CREBBP: variants seen among roughly 807,000 people sequenced by gnomAD.
The protein encoded by CREBBP is CREB-binding protein.
CREBBP carries 19 observed loss-of-function variants against 265.0 expected under a neutral mutation model. That is an observed-to-expected ratio of 0.07 (90% confidence interval 0.05 to 0.11). The LOEUF (loss-of-function observed/expected upper bound fraction) is 0.11, where lower values mean the gene tolerates loss of function less well. CREBBP is among the 10% of genes least tolerant of loss of function. The pLI, the probability that CREBBP is intolerant of heterozygous loss-of-function variation, is 1.00. For missense variants in CREBBP, 2,525 were observed against 3,219.0 expected (o/e 0.78, Z 5.22); for synonymous variants, 1,457 against 1,223.7 (o/e 1.19, Z -3.98).
chr16:3,802,114 A>ATTTTTTTTTTTTTT lies in CREBBP; in HGVS notation c.975+8475_975+8488dup, dbSNP rs71133657. 2.4e-4 allele frequency among the ~76,000 whole-genome samples: 12 copies of ATTTTTTTTTTTTTT among 50,582 alleles called. 1 individual carries two copies. Among genetic ancestry groups the ATTTTTTTTTTTTTT allele is most frequent in the African/African-American group, 7.4e-4 (8 of 10,782 alleles). The allele number at this position is 50,582 out of a possible 152,430, so 33.2% of individuals were successfully genotyped here. Reference sequence around the variant, plus strand: ...TTTATATTTACTCTGGTATTCCTTAATTTTTTTTTTTTTTTTTTTTTTTTT... The same window carrying ATTTTTTTTTTTTTT: ...TTTATATTTACTCTGGTATTCCTTAATTTTTTTTTTTTTTTTTTTTTTTTTTTTTTTTTTTTTTT... On this transcript the variant is annotated intron_variant, in intron 3 of 30. Coordinates refer to ENST00000262367, the MANE Select transcript of CREBBP (RefSeq NM_004380.3).
intron 10 of CREBBP, 85 bp from the exon 11 acceptor site, chr16:3,777,742 A>G: frequency 6.6e-7 from 1 of 1,509,312 alleles, no homozygotes. Context: ...ATTTCTTATT[A>G]GGACTTCAAA....
chr16:3,761,761 C>T (rs548517349), intron 16 of CREBBP, among the ~76,000 whole-genome samples: 1 of 152,354 alleles, frequency 6.6e-6, no homozygotes, highest in Non-Finnish European at 1.5e-5. Context: ...CAGTGGGAAG[C>T]GTCGGAAACA....
At chr16:3,873,529 C>A (rs553174565) in intron 1 of CREBBP, among the ~76,000 whole-genome samples, 1 of 152,220 alleles carries the variant, frequency 6.6e-6, no homozygotes, top group Non-Finnish European at 1.5e-5. Flanking sequence ...CAGACTAGCA[C>A]TCCCAGTAAG....
chr16:3,767,488 G>T, intron 16 of CREBBP: 1 of 604,660 alleles, frequency 1.7e-6, no homozygotes, highest in Non-Finnish European at 2.9e-6. Context: ...CAGCCTGGGT[G>T]CCCTCGGAGC....
intron 20 of CREBBP, among the ~76,000 whole-genome samples, chr16:3,749,992 C>CTAGGCTT (rs1461313463): frequency 6.6e-6 from 1 of 152,068 alleles, no homozygotes; most frequent in African/African-American, 2.4e-5. Context: ...CCTTAACCTC[C>CTAGGCTT]TAGGCTCAAG....
rs1378993688 is a variant in CREBBP at position 3,770,850 on chromosome 16, G to A, written c.2600C>T (p.Pro867Leu). 2.2e-5 allele frequency: 35 copies of A among 1,613,824 alleles called. No individual in the cohort carries two copies. Among genetic ancestry groups the A allele is most frequent in the Non-Finnish European group, 2.8e-5 (33 of 1,179,990 alleles). ...AGGTGGTGTCGTGTGCTGGAGAGAT[G>A]GCATGCCAGCAGCCGTGGAAGCAGG... is the stretch of plus-strand genomic sequence containing the variant. ...PPPASTAAGM[P>L]SLQHTTPPGM... The change falls in exon 14 of 31, where the codon CCA becomes CTA. Residue 867 changes from proline (P) to leucine (L), a missense_variant. Coordinates refer to ENST00000262367, the MANE Select transcript of CREBBP (RefSeq NM_004380.3).
In CREBBP at chr16:3,818,636, C is replaced by T. The variant is rs531241880; in HGVS notation, c.799-7857G>A. On this transcript the variant is annotated intron_variant, in intron 2 of 30. Transcript: ENST00000262367. ...ACCGCACCTGGCCTTAAGGTGGTTC[C>T]GAGGAGCCCACTAAGTCCATTTTTG... 3.9e-5 allele frequency among the ~76,000 whole-genome samples: 6 copies of T among 152,144 alleles called. No homozygotes were observed. In the East Asian group the frequency reaches 5.8e-4, roughly 15 times the overall value.
rs990115690 is a variant in CREBBP, at chr16:3,751,624, T to A, written c.3779+102A>T. On this transcript the variant is annotated intron_variant, in intron 20 of 30. Transcript: ENST00000262367. ...AAAACCAAAAAACATTGCAAGGAAG[T>A]CAAAATGGCACCGGTACCTTCCTTA... 8.4e-6 allele frequency: 10 copies of A among 1,184,614 alleles called. No individual in the cohort carries two copies. In the East Asian group the frequency reaches 2.4e-4, roughly 28 times the overall value. The allele number at this position is 1,184,614 out of a possible 1,614,324, so 73.4% of individuals were successfully genotyped here.
chr16:3,728,790 A>G lies in CREBBP; in HGVS notation c.6257T>C (p.Val2086Ala), dbSNP rs2151305121. The G allele has an allele frequency of 6.2e-7, 1 of 1,613,484 alleles. No individual in the cohort carries two copies. The highest frequency in any genetic ancestry group is 8.5e-7 in the Non-Finnish European group (1 of 1,179,952). Residue 2086 changes from valine to alanine, a missense_variant, in exon 31 of 31, where the codon GTG (valine) becomes GCG (alanine). Around this residue, in one of 19 missense-constraint regions of CREBBP, gnomAD observed 3 missense variants for 24.2 expected, o/e 0.12. Transcript: ENST00000262367. The surrounding 1 kb of genome is among the most constrained non-coding windows in gnomAD (Gnocchi z 8.7). ...SPSSPQQQQQVLNILKSNPQL... is the reference protein window; with the variant it reads ...SPSSPQQQQQALNILKSNPQL... ...CGGGTTTGATTTGAGAATGTTCAGCACCTGCTGTTGCTGCTGAGGGGAGCT... is the reference window on the plus strand; with the variant it reads ...CGGGTTTGATTTGAGAATGTTCAGCGCCTGCTGTTGCTGCTGAGGGGAGCT...
chr16:3,793,342 T>C lies in CREBBP; in HGVS notation c.1216+44A>G, dbSNP rs772032751. The C allele has an allele frequency of 6.8e-6, 11 of 1,612,802 alleles. No homozygotes were observed. The South Asian group carries it at 1.1e-4, about 16-fold the overall frequency. ...TGCTGTAAGAACAATAAAGGCAAAT[T>C]CTTCCTGACCTCTACCACTAGGAGT... On this transcript the variant is annotated intron_variant, in intron 4 of 30. Coordinates refer to ENST00000262367, the MANE Select transcript of CREBBP (RefSeq NM_004380.3).
chr16:3,867,488 T>A (rs1207703990), intron 1 of CREBBP, among the ~76,000 whole-genome samples: 1 of 151,916 alleles, frequency 6.6e-6, no homozygotes, highest in Non-Finnish European at 1.5e-5. Context: ...CAAGACTCCG[T>A]CTCAAACAAA....
intron 1 of CREBBP, among the ~76,000 whole-genome samples, chr16:3,863,904 T>C (rs2056668079): frequency 6.6e-6 from 1 of 152,008 alleles, no homozygotes; most frequent in African/African-American, 2.4e-5. Flanking sequence ...AGCCCAATCA[T>C]CTGGGACAGG....
chr16:3,775,608 G>C (rs1056171349), intron 11 of CREBBP, among the ~76,000 whole-genome samples: 4 of 152,170 alleles, frequency 2.6e-5, no homozygotes, highest in African/African-American at 4.8e-5. Context: ...TGCCGATGCA[G>C]ACCAGGAAGA....
chr16:3,813,198 T>C (rs956093409), intron 2 of CREBBP: 7 of 228,098 alleles, frequency 3.1e-5, no homozygotes, highest in Non-Finnish European at 6.1e-5. Flanking sequence ...ACGCAGGTGA[T>C]TTCCTTCCCC....
At chr16:3,739,278 T>C (rs1288068890) in intron 25 of CREBBP, among the ~76,000 whole-genome samples, 1 of 152,224 alleles carries the variant, frequency 6.6e-6, no homozygotes, top group East Asian at 1.9e-4. Flanking sequence ...GTGGCAGAGC[T>C]ACTTCCTCTG....
chr16:3,871,862 G>A (rs2055306737), intron 1 of CREBBP, among the ~76,000 whole-genome samples: 1 of 152,134 alleles, frequency 6.6e-6, no homozygotes, highest in Non-Finnish European at 1.5e-5. Context: ...TATACCTACT[G>A]TATACAATAT....
chr16:3,849,429 GTGTGTGTGTGTGTGT>G (rs1567360178), intron 2 of CREBBP, among the ~76,000 whole-genome samples: 280 of 12,786 alleles, frequency 0.022, 13 homozygotes, highest in Non-Finnish European at 0.06. Context: ...GTGTGTGTGT[GTGTGTGTGTGTGTGT>G]GTGTGTGTGT....
rs2141198144 is a variant in CREBBP at position 3,770,552 on chromosome 16, A to T, written c.2880+18T>A. ...CTAAGAGTCTTGGCCCAAAAACAGC[A>T]GAGACAGAGAGGCTTACCGGTGTGC... is the stretch of plus-strand genomic sequence containing the variant. On this transcript the variant is annotated intron_variant, in intron 14 of 30. Coordinates refer to ENST00000262367, the MANE Select transcript of CREBBP (RefSeq NM_004380.3). 6.2e-7 allele frequency: 1 copy of T among 1,611,430 alleles called. No homozygotes were observed. Among genetic ancestry groups the T allele is most frequent in the South Asian group, 1.1e-5 (1 of 91,022 alleles).
In CREBBP at chr16:3,794,331, C is replaced by CAAAAAAAAAAAAAAAAAA; in HGVS notation, c.976-723_976-706dup. The stretch of plus-strand genomic sequence containing the variant: ...TGGGCGACAGATCGAGACTCCGTCT[C>CAAAAAAAAAAAAAAAAAA]AAAAAAAAAAAAAAAAAAAAAAAAA... On this transcript the variant is annotated intron_variant, in intron 3 of 30. Coordinates refer to ENST00000262367, the MANE Select transcript of CREBBP (RefSeq NM_004380.3). Among the ~76,000 whole-genome samples, 2 of 39,594 alleles carry CAAAAAAAAAAAAAAAAAA rather than the reference C, an allele frequency of 5.1e-5. 1 individual carries two copies. The highest frequency in any genetic ancestry group is 9.3e-5 in the Non-Finnish European group (2 of 21,402). The allele number at this position is 39,594 out of a possible 152,430, so 26.0% of individuals were successfully genotyped here. A position where few individuals can be genotyped will look rare whatever the true frequency, so the allele number is the denominator to read the frequency against.
Sources: allele counts gnomAD v4.1 joint callset (sites outside exome capture counted in the v4.1 genomes callset), GRCh38; gene constraint gnomAD v4.1.1; regional missense constraint gnomAD v4.1.1; non-coding constraint Gnocchi (gnomAD v3.1); transcripts MANE v1.5; gene names NCBI Gene and HGNC (gene_info 2026-07-23, HGNC 2026-07-21).